Variants in AKAP13 observed in about 807,000 individuals in gnomAD.
The protein encoded by AKAP13 is A-kinase anchor protein 13.
Under a neutral mutation model 264.5 loss-of-function variants are expected in AKAP13, and 80 were observed. The ratio of observed to expected loss-of-function variants is 0.30; its 90% CI spans 0.25 to 0.36. The LOEUF (loss-of-function observed/expected upper bound fraction) is 0.36, where lower values mean the gene tolerates loss of function less well. Among genes scored for constraint, AKAP13 ranks in the 10% least tolerant of loss-of-function variants. The pLI is 1.00. For missense variants in AKAP13, 3,712 were observed against 3,435.2 expected (o/e 1.08, Z -2.01); for synonymous variants, 1,380 against 1,250.2 (o/e 1.10, Z -2.19).
At chr15:85,435,126 A>C (rs1187908561) in intron 1 of AKAP13, among the ~76,000 whole-genome samples, 1 of 134,732 alleles carries the variant, frequency 7.4e-6, no homozygotes, top group Non-Finnish European at 1.6e-5. Context: ...AAGTGCTTAA[A>C]GGAGCTGATG....
chr15:85,409,685 C>T (rs1215120654), intron 1 of AKAP13, among the ~76,000 whole-genome samples: 1 of 145,118 alleles, frequency 6.9e-6, no homozygotes, highest in African/African-American at 2.6e-5. Flanking sequence ...GGCTGGAGTG[C>T]AGCGGTGCGA....
intron 14 of AKAP13, among the ~76,000 whole-genome samples, 172 bp downstream of exon 14, chr15:85,670,002 ATCT>A (rs1274497666): frequency 6.6e-6 from 1 of 152,278 alleles, no homozygotes; most frequent in East Asian, 1.9e-4. Context: ...TTATCTTGAG[ATCT>A]TCTTCCTTTT....
chr15:85,651,963 G>A (rs1443620745), intron 10 of AKAP13, among the ~76,000 whole-genome samples: 1 of 152,162 alleles, frequency 6.6e-6, no homozygotes, highest in Non-Finnish European at 1.5e-5. Context: ...CACCAGTGAT[G>A]TTTTGTTTTC....
chr15:85,601,648 G>GTGTGTGTGTGT (rs1228684653), intron 8 of AKAP13, among the ~76,000 whole-genome samples: 4 of 147,666 alleles, frequency 2.7e-5, no homozygotes, highest in Non-Finnish European at 4.5e-5. Context: ...GTGTGTGTGT[G>GTGTGTGTGTGT]TTTTTCTTCC....
intron 5 of AKAP13, among the ~76,000 whole-genome samples, chr15:85,562,715 G>A (rs1156615200): frequency 2.0e-3 from 111 of 54,528 alleles, no homozygotes; most frequent in African/African-American, 7.1e-3. Context: ...TTTTTTTTGA[G>A]ACTGAATTTC....
At chr15:85,398,986 T>C (rs2071256345) in intron 1 of AKAP13, among the ~76,000 whole-genome samples, 1 of 152,196 alleles carries the variant, frequency 6.6e-6, no homozygotes. Flanking sequence ...ATTATAAACA[T>C]TGCTTTGAAG....
chr15:85,691,796 A>C, intron 16 of AKAP13: 1 of 471,678 alleles, frequency 2.1e-6, no homozygotes, highest in African/African-American at 2.0e-5. Context: ...CAAGATGAGT[A>C]TCAGTTTCTG....
intron 9 of AKAP13, among the ~76,000 whole-genome samples, chr15:85,642,780 C>T (rs574422860): frequency 1.1e-4 from 16 of 152,174 alleles, no homozygotes; most frequent in African/African-American, 3.4e-4. Context: ...ATTTTCCATT[C>T]GAATATCGTG....
At chr15:85,578,591 G>A (rs2079092469) in intron 6 of AKAP13, among the ~76,000 whole-genome samples, 2 of 152,098 alleles carry the variant, frequency 1.3e-5, no homozygotes. Context: ...TGATCTGCCT[G>A]CCTCAGCCTC....
chr15:85,464,436 C>A (rs931181506), intron 1 of AKAP13, among the ~76,000 whole-genome samples: 6 of 152,072 alleles, frequency 3.9e-5, no homozygotes, highest in African/African-American at 1.5e-4. Context: ...AATATCTATT[C>A]CTGAGTTTTG....
chr15:85,644,233 CTT>C (rs72138055), intron 9 of AKAP13, among the ~76,000 whole-genome samples: 123 of 86,118 alleles, frequency 1.4e-3, no homozygotes, highest in Admixed American at 1.1e-3. Flanking sequence ...CTTTTATCTT[CTT>C]TTTTTTTTTT....
chr15:85,399,541 AAT>A (rs2071321425), intron 1 of AKAP13, among the ~76,000 whole-genome samples: 1 of 113,548 alleles, frequency 8.8e-6, no homozygotes, highest in African/African-American at 3.1e-5. Flanking sequence ...TAAAAAAATA[AAT>A]AAATAAATAA....
intron 1 of AKAP13, among the ~76,000 whole-genome samples, chr15:85,430,196 G>T (rs2072965029): frequency 6.6e-6 from 1 of 152,212 alleles, no homozygotes; most frequent in African/African-American, 2.4e-5. Flanking sequence ...GCACACTGAG[G>T]TAAAGTTTAC....
intron 20 of AKAP13, among the ~76,000 whole-genome samples, chr15:85,716,428 C>T (rs1426035247): frequency 1.3e-5 from 2 of 151,836 alleles, no homozygotes; most frequent in Admixed American, 1.3e-4. Flanking sequence ...CACTCGTTTG[C>T]ACTGAGTTTC....
At chr15:85,430,244 A>G (rs1227038076) in intron 1 of AKAP13, among the ~76,000 whole-genome samples, 1 of 152,216 alleles carries the variant, frequency 6.6e-6, no homozygotes, top group Non-Finnish European at 1.5e-5. Flanking sequence ...TAATGGGCTA[A>G]TTACATGTCT....
At chr15:85,501,108 G>A (rs554984764) in intron 2 of AKAP13, among the ~76,000 whole-genome samples, 1 of 152,066 alleles carries the variant, frequency 6.6e-6, no homozygotes, top group Non-Finnish European at 1.5e-5. Context: ...ACCATCACTC[G>A]TGAACACCAT....
chr15:85,530,173 C>A, intron 3 of AKAP13, among the ~76,000 whole-genome samples: 1 of 152,190 alleles, frequency 6.6e-6, no homozygotes, highest in East Asian at 1.9e-4. Flanking sequence ...CCCCCGCGCC[C>A]CAACACACAC....
intron 13 of AKAP13, among the ~76,000 whole-genome samples, chr15:85,667,874 A>C (rs1385302107): frequency 6.6e-6 from 1 of 152,218 alleles, no homozygotes; most frequent in Non-Finnish European, 1.5e-5. Context: ...TTGACAGATA[A>C]CCCTGCATTT....
At chr15:85,575,037 A>T in intron 5 of AKAP13, 94 bp from the exon 6 acceptor site, 1 of 1,255,790 alleles carries the variant, frequency 8.0e-7, no homozygotes. Flanking sequence ...CTCAAAGAAC[A>T]ATCAGGTTAG....
Sources: allele counts gnomAD v4.1 joint callset (sites outside exome capture counted in the v4.1 genomes callset), GRCh38; gene constraint gnomAD v4.1.1; transcripts MANE v1.5; gene names NCBI Gene and HGNC (gene_info 2026-07-23, HGNC 2026-07-21).